Variants in PGBD2 observed in about 807,000 individuals in gnomAD.
PGBD2 encodes the protein piggyBac transposable element-derived protein 2.
In PGBD2, 6 loss-of-function variants were observed where a neutral mutation model predicts 8.1. The observed-to-expected ratio is 0.74, with a 90% CI of 0.40 to 1.46. The LOEUF is 1.46. Ranked by LOEUF, PGBD2 falls within the 40% of genes most tolerant of loss-of-function variation. The probability of loss-of-function intolerance (pLI) is 0.02; values close to 1 mark genes in which losing one functional copy is unlikely to be tolerated. For missense variants in PGBD2, 802 were observed against 739.0 expected (o/e 1.09, Z -0.99); for synonymous variants, 318 against 272.2 (o/e 1.17, Z -1.66).
the PGBD2 span, among the ~76,000 whole-genome samples, chr1:248,874,277 C>T: frequency 1.2e-4 from 19 of 152,234 alleles, no homozygotes; most frequent in South Asian, 2.3e-3. Flanking sequence ...TAGGATTCGG[C>T]GCTCTCACCG....
chr1:248,895,069 T>G, the PGBD2 span, among the ~76,000 whole-genome samples: 1 of 152,172 alleles, frequency 6.6e-6, no homozygotes, highest in African/African-American at 2.4e-5. Flanking sequence ...CCTCCCAAAG[T>G]GTTGGAATTA....
Position 248,918,207 on chromosome 1 carries a change from GGAGACT to G in PGBD2, c.1628_1633del (p.Thr543_Glu544del). Reference sequence around the variant, plus strand: ...CTCAAGGGAGGCGAAGCAGGCGGTTGGAGACTGAGAGCCGCTTCGATATGATTGGGC... The same window carrying G: ...CTCAAGGGAGGCGAAGCAGGCGGTTGGAGAGCCGCTTCGATATGATTGGGC... On this transcript the variant is annotated inframe_deletion, in exon 3 of 3. Transcript: ENST00000329291. 1 of 1,614,150 alleles carries G rather than the reference GGAGACT, an allele frequency of 6.2e-7. No individual in the cohort carries two copies. Among genetic ancestry groups the G allele is most frequent in the Non-Finnish European group, 8.5e-7 (1 of 1,180,018 alleles).
chr1:248,905,268 A>C (rs187955763), upstream of PGBD2, among the ~76,000 whole-genome samples: 1 of 151,918 alleles, frequency 6.6e-6, no homozygotes, highest in East Asian at 1.9e-4. Flanking sequence ...GTGGAGAAGC[A>C]AATACAAACT....
chr1:248,893,111 A>AT, the PGBD2 span, among the ~76,000 whole-genome samples: 1 of 152,234 alleles, frequency 6.6e-6, no homozygotes. Flanking sequence ...ATGGCACATA[A>AT]TTAATGTATA....
intron 2 of PGBD2, among the ~76,000 whole-genome samples, chr1:248,914,821 T>C (rs1174551326): frequency 6.6e-6 from 1 of 152,218 alleles, no homozygotes; most frequent in African/African-American, 2.4e-5. Context: ...GGCCAGGGCC[T>C]GTGGAGTCCT....
In PGBD2 at chr1:248,918,790, T is replaced by G. The variant is rs1006397209; in HGVS notation, c.*427T>G. 1 of 167,198 alleles carries G rather than the reference T, an allele frequency of 6.0e-6. No individual in the cohort carries two copies. Among genetic ancestry groups the G allele is most frequent in the Non-Finnish European group, 1.5e-5 (1 of 68,102 alleles). 10.4% of individuals were successfully genotyped at this position (167,198 alleles called of 1,614,324 possible). ...ATGTGATGGATTTCTTAATCATATT[T>G]ATTTCATATTAATCCAAGTTTATCA... On this transcript the variant is annotated 3_prime_UTR_variant, in exon 3 of 3. Transcript: ENST00000329291.
the PGBD2 span, among the ~76,000 whole-genome samples, chr1:248,927,991 C>T: frequency 1.7e-3 from 261 of 152,260 alleles, 1 homozygote; most frequent in African/African-American, 5.5e-3. Context: ...TTCCAACTGC[C>T]TCTTGTAGCC....
the PGBD2 span, among the ~76,000 whole-genome samples, chr1:248,884,312 AG>A: frequency 6.6e-6 from 1 of 151,718 alleles, no homozygotes; most frequent in African/African-American, 2.4e-5. Context: ...AGTGCCTTTG[AG>A]GTGATCAGAT....
upstream of PGBD2, among the ~76,000 whole-genome samples, chr1:248,902,201 G>A (rs1345649582): frequency 4.0e-5 from 6 of 150,630 alleles, no homozygotes; most frequent in East Asian, 3.9e-4. Context: ...CCCAGGAGGC[G>A]AAGGTTGCAG....
chr1:248,880,483 G>C, the PGBD2 span, among the ~76,000 whole-genome samples: 4 of 152,082 alleles, frequency 2.6e-5, no homozygotes, highest in Admixed American at 1.3e-4. Context: ...TTAGAATCTA[G>C]TTTCTATGTC....
chr1:248,907,602 ATG>A, intron 1 of PGBD2, among the ~76,000 whole-genome samples: 1 of 152,128 alleles, frequency 6.6e-6, no homozygotes, highest in East Asian at 1.9e-4. Context: ...GTGGCTTTTC[ATG>A]GTGCATTGCG....
chr1:248,921,006 A>G (rs556629118), downstream of PGBD2, among the ~76,000 whole-genome samples: 18 of 150,732 alleles, frequency 1.2e-4, no homozygotes, highest in African/African-American at 4.4e-4. Context: ...TTTCTTGTAA[A>G]TTTGTTTAAG....
chr1:248,906,041 T>C (rs1661620408), upstream of PGBD2, among the ~76,000 whole-genome samples: 1 of 150,250 alleles, frequency 6.7e-6, no homozygotes, highest in Non-Finnish European at 1.5e-5. Context: ...GGTGGGAGGG[T>C]AAGGGAGAGT....
downstream of PGBD2, among the ~76,000 whole-genome samples, chr1:248,924,057 G>A (rs1006542017): frequency 1.3e-5 from 2 of 152,222 alleles, no homozygotes; most frequent in Non-Finnish European, 2.9e-5. Flanking sequence ...CCCAGCTGGG[G>A]TGAATCTCAG....
intron 1 of PGBD2, among the ~76,000 whole-genome samples, chr1:248,910,703 G>C (rs1010455238): frequency 3.3e-5 from 5 of 152,206 alleles, no homozygotes; most frequent in African/African-American, 1.2e-4. Context: ...AAGGGGAGCT[G>C]GAGCCCCACA....
downstream of PGBD2, among the ~76,000 whole-genome samples, chr1:248,920,744 A>G (rs552445435): frequency 5.3e-5 from 8 of 152,304 alleles, no homozygotes; most frequent in African/African-American, 1.7e-4. Context: ...GGTGGAACTA[A>G]TTTACGGTCC....
chr1:248,900,114 A>G, the PGBD2 span, among the ~76,000 whole-genome samples: 1 of 151,606 alleles, frequency 6.6e-6, no homozygotes, highest in East Asian at 1.9e-4. Context: ...AAAAAAAAAA[A>G]AAGCCCAGGA....
chr1:248,899,729 A>C, the PGBD2 span, among the ~76,000 whole-genome samples: 1 of 151,982 alleles, frequency 6.6e-6, no homozygotes, highest in African/African-American at 2.4e-5. Context: ...ATCAGAGTAG[A>C]AATAAAGGTG....
chr1:248,923,529 A>G (rs1662327862), downstream of PGBD2, among the ~76,000 whole-genome samples: 1 of 152,114 alleles, frequency 6.6e-6, no homozygotes, highest in African/African-American at 2.4e-5. Flanking sequence ...GACTGAGGTG[A>G]CCTCATGCCT....
Sources: gnomAD v4.1 joint callset for allele counts (sites outside exome capture counted in the v4.1 genomes callset) on GRCh38, gnomAD v4.1.1 for gene constraint, MANE v1.5 for transcripts, NCBI Gene and HGNC (gene_info 2026-07-23, HGNC 2026-07-21) for gene names.